Variants in VPS8 observed in about 807,000 individuals in gnomAD.
VPS8 encodes vacuolar protein sorting-associated protein 8 homolog.
A neutral mutation model predicts 216.4 loss-of-function variants in VPS8; 129 were observed. The ratio of observed to expected loss-of-function variants is 0.60; its 90% CI spans 0.52 to 0.69. VPS8 has a LOEUF of 0.69. Ranked by LOEUF, VPS8 falls within the 30% of genes least tolerant of loss-of-function variation. The pLI is 0.00. For missense variants in VPS8, 1,531 were observed against 1,683.5 expected, an observed-to-expected ratio of 0.91 and a Z score of 1.59; for synonymous variants, 571 against 565.4, an observed-to-expected ratio of 1.01 and a Z score of -0.14.
intron 46 of VPS8, among the ~76,000 whole-genome samples, chr3:185,027,736 G>A (rs980216936): frequency 6.6e-6 from 1 of 152,090 alleles, no homozygotes; most frequent in African/African-American, 2.4e-5. Flanking sequence ...GTCATTTTAG[G>A]TGTCTGACAT....
chr3:184,820,334 C>T (rs530059242), intron 1 of VPS8, among the ~76,000 whole-genome samples: 45 of 152,290 alleles, frequency 3.0e-4, no homozygotes, highest in African/African-American at 1.1e-3. Context: ...GCCCTGTTCT[C>T]CGTGTTCAAC....
chr3:184,891,687 A>C (rs550418847), intron 22 of VPS8, among the ~76,000 whole-genome samples: 1 of 152,262 alleles, frequency 6.6e-6, no homozygotes, highest in South Asian at 2.1e-4. Flanking sequence ...TTTGAACATA[A>C]TTTGTTAAAA....
At position 184,893,453 on chromosome 3, in the gene VPS8, A is replaced by G. The variant is rs146144121; in HGVS notation, c.1782-1250A>G. The G allele has an allele frequency of 2.5e-4, 207 of 823,526 alleles. 1 individual carries two copies. Among genetic ancestry groups the G allele is most frequent in the African/African-American group, 1.8e-3 (96 of 54,022 alleles). The allele number at this position is 823,526 out of a possible 1,614,324, so 51.0% of individuals were successfully genotyped here. A position where few individuals can be genotyped will look rare whatever the true frequency, so the allele number is the denominator to read the frequency against. On this transcript the variant is annotated intron_variant, in intron 22 of 47. Coordinates refer to ENST00000625842, the MANE Select transcript of VPS8 (RefSeq NM_001009921.3). ...ACAGTTTTTGTATTTTTTAAAAAAC[A>G]GAATGAACAAAGAAGTGAATGATAC...
chr3:184,979,220 CAT>C (rs1215453332), intron 40 of VPS8, among the ~76,000 whole-genome samples: 7 of 151,890 alleles, frequency 4.6e-5, no homozygotes, highest in African/African-American at 1.7e-4. Context: ...TATAGCCAGT[CAT>C]GTGGTTGATT....
chr3:184,892,627 G>A (rs1343062590), intron 22 of VPS8, among the ~76,000 whole-genome samples: 11 of 152,156 alleles, frequency 7.2e-5, no homozygotes, highest in Non-Finnish European at 1.3e-4. Context: ...TTTTAAGGTA[G>A]AGATGCAAAT....
At chr3:184,900,121 G>A (rs1273927913) in intron 24 of VPS8, among the ~76,000 whole-genome samples, 2 of 152,162 alleles carry the variant, frequency 1.3e-5, no homozygotes, top group African/African-American at 4.8e-5. Context: ...TTTGACTAAG[G>A]TAAGAATAGT....
At chr3:184,879,959 G>T (rs1214153239) in intron 21 of VPS8, among the ~76,000 whole-genome samples, 1 of 152,180 alleles carries the variant, frequency 6.6e-6, no homozygotes, top group African/African-American at 2.4e-5. Flanking sequence ...GGTTTTAAAT[G>T]TTCTAAATTG....
chr3:184,986,466 G>A (rs1751087705), intron 42 of VPS8, among the ~76,000 whole-genome samples: 1 of 152,126 alleles, frequency 6.6e-6, no homozygotes, highest in Non-Finnish European at 1.5e-5. Context: ...CACAAGGGGA[G>A]GGGAGTAAAA....
At chr3:184,976,383 C>CTT (rs1032466821) in intron 40 of VPS8, among the ~76,000 whole-genome samples, 1 of 147,574 alleles carries the variant, frequency 6.8e-6, no homozygotes, top group Non-Finnish European at 1.5e-5. Context: ...TGTATTTGGA[C>CTT]TTTTTTTTTT....
chr3:185,000,155 A>G (rs1439278759), intron 45 of VPS8, among the ~76,000 whole-genome samples: 1 of 152,208 alleles, frequency 6.6e-6, no homozygotes, highest in African/African-American at 2.4e-5. Context: ...ACCTTTTGAT[A>G]GAGTAACAGC....
Position 184,849,181 on chromosome 3 carries a change from T to A in VPS8, c.652T>A (p.Phe218Ile). 6.2e-7 allele frequency: 1 copy of A among 1,613,318 alleles called. No homozygotes were observed. Among genetic ancestry groups the A allele is most frequent in the African/African-American group, 1.3e-5 (1 of 75,016 alleles). The part of the protein sequence containing the change: ...NNDCSRLLCG[F>I]AKGQITMWDL... ...TGATTGCTCAAGACTTCTTTGTGGC[T>A]TTGCTAAAGGACAGGTAAGATATGA... is the stretch of plus-strand genomic sequence containing the variant. The change falls in exon 9 of 48, where the codon TTT (phenylalanine) becomes ATT (isoleucine). Residue 218 changes from phenylalanine (F) to isoleucine (I), a missense_variant. Coordinates refer to ENST00000625842, the MANE Select transcript of VPS8 (RefSeq NM_001009921.3).
chr3:184,982,282 G>C (rs979029704), intron 40 of VPS8: 2 of 342,444 alleles, frequency 5.8e-6, no homozygotes, highest in African/African-American at 4.3e-5. Context: ...AGACACATAA[G>C]ATTGCAGTTC....
chr3:184,993,896 A>G (rs1351434904), intron 42 of VPS8, 87 bp from the exon 43 acceptor site: 1 of 1,053,418 alleles, frequency 9.5e-7, no homozygotes, highest in Non-Finnish European at 1.4e-6. Flanking sequence ...AAAATACTTA[A>G]AAGCATTTGG....
At chr3:184,844,028 C>T (rs1412647224) in intron 8 of VPS8, among the ~76,000 whole-genome samples, 2 of 152,094 alleles carry the variant, frequency 1.3e-5, no homozygotes, top group African/African-American at 4.8e-5. Context: ...TGCTGGAGGT[C>T]AGGTAAAAGT....
In VPS8 at chr3:185,048,556, C is replaced by T; in HGVS notation, c.4134C>T (p.Ser1378=). ...DQLCRLYRGS[S]RLALLTELSQ... The stretch of plus-strand genomic sequence containing the variant: ...TTTGCCGTCTCTACCGAGGAAGCTC[C>T]AGGGTAATGTTTGCGTGGTTGTTTA... Residue 1378 remains serine (S), a synonymous_variant, in exon 47 of 48, where the codon TCC becomes TCT. Coordinates refer to ENST00000625842, the MANE Select transcript of VPS8 (RefSeq NM_001009921.3). 6.2e-7 allele frequency: 1 copy of T among 1,613,878 alleles called. No individual in the cohort carries two copies.
chr3:184,831,724 T>A (rs1268987334), intron 3 of VPS8, among the ~76,000 whole-genome samples: 2 of 152,210 alleles, frequency 1.3e-5, no homozygotes, highest in Non-Finnish European at 2.9e-5. Flanking sequence ...ATTTCAATGG[T>A]AACCAGAGAC....
chr3:184,885,148 C>T (rs984989185), intron 21 of VPS8, among the ~76,000 whole-genome samples: 1 of 152,212 alleles, frequency 6.6e-6, no homozygotes, highest in Non-Finnish European at 1.5e-5. Flanking sequence ...TTAGTCACCT[C>T]TCTCTCAAAT....
intron 1 of VPS8, among the ~76,000 whole-genome samples, chr3:184,820,335 C>T (rs1032140038): frequency 2.0e-5 from 3 of 152,154 alleles, no homozygotes; most frequent in South Asian, 2.1e-4. Flanking sequence ...CCCTGTTCTC[C>T]GTGTTCAACG....
chr3:184,968,491 C>T (rs1747788822), intron 39 of VPS8, among the ~76,000 whole-genome samples: 1 of 152,182 alleles, frequency 6.6e-6, no homozygotes, highest in African/African-American at 2.4e-5. Context: ...TTTTACATTC[C>T]CACCAACAGT....
Sources: allele counts gnomAD v4.1 joint callset (sites outside exome capture counted in the v4.1 genomes callset), GRCh38; gene constraint gnomAD v4.1.1; transcripts MANE v1.5; gene names NCBI Gene and HGNC (gene_info 2026-07-23, HGNC 2026-07-21).